The following SSRP1 variants were observed in gnomAD, a reference collection of about 807,000 sequenced individuals.
The protein encoded by SSRP1 is FACT complex subunit SSRP1.
SSRP1 carries 21 observed loss-of-function variants against 84.4 expected under a neutral mutation model. The observed-to-expected ratio is 0.25, with a 90% CI of 0.18 to 0.36. SSRP1 has a LOEUF of 0.36. Ranked by LOEUF, SSRP1 falls within the 10% of genes least tolerant of loss-of-function variation. The pLI is 1.00. For synonymous variants in SSRP1, 319 were observed against 318.3 expected, an observed-to-expected ratio of 1.00 and a Z score of -0.02; for missense variants, 519 against 900.8, an observed-to-expected ratio of 0.58 and a Z score of 5.43.
At position 57,335,248 on chromosome 11, in the gene SSRP1, C is replaced by G; in HGVS notation, c.-119-8G>C. ...GCTCAGCAGGTTGGGAATCTGAATTCAAGAGGAAGACAGATAAGCATGAAA... is the reference window on the plus strand; with the variant it reads ...GCTCAGCAGGTTGGGAATCTGAATTGAAGAGGAAGACAGATAAGCATGAAA... On this transcript the variant is annotated splice_polypyrimidine_tract_variant and splice_region_variant and intron_variant, in intron 1 of 16. Transcript: ENST00000278412. The surrounding 1 kb of genome is among the most constrained non-coding windows in gnomAD (Gnocchi z 4.6). 1.1e-6 allele frequency: 1 copy of G among 942,688 alleles called. No individual in the cohort carries two copies. The highest frequency in any genetic ancestry group is 1.7e-6 in the Non-Finnish European group (1 of 581,626). The allele number at this position is 942,688 out of a possible 1,614,324, so 58.4% of individuals were successfully genotyped here.
intron 14 of SSRP1, 51 bp from the exon 15 acceptor site, chr11:57,327,565 C>T: frequency 6.2e-7 from 1 of 1,610,152 alleles, no homozygotes; most frequent in Non-Finnish European, 8.5e-7. Flanking sequence ...CTCCCATCTC[C>T]CCTCTCCCCT....
intron 3 of SSRP1, among the ~76,000 whole-genome samples, chr11:57,333,836 G>A (rs1347946599): frequency 2.6e-5 from 4 of 152,176 alleles, no homozygotes; most frequent in Admixed American, 6.5e-5. Flanking sequence ...AGTTCAAAAA[G>A]GAAAACAAAA....
In SSRP1 at chr11:57,335,043, T is replaced by C. The variant is rs757343128; in HGVS notation, c.54+25A>G. On this transcript the variant is annotated intron_variant, in intron 2 of 16. Coordinates refer to ENST00000278412, the MANE Select transcript of SSRP1 (RefSeq NM_003146.3). This position sits in a 1 kb window ranked among gnomAD's most constrained non-coding sequence, Gnocchi z 4.6. ...TACCCTCCTTCCTTCTCTCTACTTGTATCACCTGTCCAAGCCATTCTCACC... is the reference window on the plus strand; with the variant it reads ...TACCCTCCTTCCTTCTCTCTACTTGCATCACCTGTCCAAGCCATTCTCACC... The C allele has an allele frequency of 1.2e-6, 2 of 1,613,600 alleles. No individual in the cohort carries two copies. Among genetic ancestry groups the C allele is most frequent in the East Asian group, 2.2e-5 (1 of 44,882 alleles).
At position 57,330,781 on chromosome 11, in the gene SSRP1, C is replaced by T. The variant is rs1856073291; in HGVS notation, c.1296+74G>A. The T allele has an allele frequency of 8.1e-6, 13 of 1,608,978 alleles. No homozygotes were observed. The highest frequency in any genetic ancestry group is 5.5e-5 in the South Asian group (5 of 90,708). The stretch of plus-strand genomic sequence containing the variant: ...AGAGAAGAAAGAGTGAAAAAGAAGC[C>T]GGAAAAAATCTCCACCCCTTTCTCC... On this transcript the variant is annotated intron_variant, in intron 10 of 16. Coordinates refer to ENST00000278412, the MANE Select transcript of SSRP1 (RefSeq NM_003146.3). The surrounding 1 kb of genome is among the most constrained non-coding windows in gnomAD (Gnocchi z 4.0).
intron 13 of SSRP1, 25 bp downstream of exon 13, chr11:57,328,272 A>G: frequency 6.2e-7 from 1 of 1,612,462 alleles, no homozygotes; most frequent in Non-Finnish European, 8.5e-7. Context: ...CACCACACAC[A>G]GGCCCTCCCA....
intron 12 of SSRP1, chr11:57,329,820 C>A: frequency 1.8e-6 from 1 of 547,636 alleles, no homozygotes; most frequent in Non-Finnish European, 3.3e-6. Context: ...CATTCCCATT[C>A]TCTCCTCATC....
At chr11:57,328,551 A>G in intron 12 of SSRP1, 125 bp from the exon 13 acceptor site, 1 of 1,342,210 alleles carries the variant, frequency 7.5e-7, no homozygotes, top group Non-Finnish European at 1.0e-6. Flanking sequence ...ACCAGAGGAC[A>G]GTATCCACCA....
chr11:57,335,105 T>G lies in SSRP1; in HGVS notation c.17A>C (p.Glu6Ala). The G allele has an allele frequency of 6.2e-7, 1 of 1,614,084 alleles. No individual in the cohort carries two copies. Among genetic ancestry groups the G allele is most frequent in the Non-Finnish European group, 8.5e-7 (1 of 1,179,986 alleles). The change falls in exon 2 of 17, where the codon GAG becomes GCG. Residue 6 changes from glutamate (E) to alanine (A), a missense_variant. By Grantham distance (107) the Glu-to-Ala change is moderately radical. Transcript: ENST00000278412. This position sits in a 1 kb window ranked among gnomAD's most constrained non-coding sequence, Gnocchi z 4.6. MAETL[E>A]FNDVYQEVKG... ...CACCTCCTGATAGACGTCGTTGAAC[T>G]CCAGTGTCTCTGCCATGTCGACCCC... is the stretch of plus-strand genomic sequence containing the variant.
At chr11:57,333,791 G>A (rs951693072) in intron 3 of SSRP1, among the ~76,000 whole-genome samples, 5 of 152,072 alleles carry the variant, frequency 3.3e-5, no homozygotes, top group Non-Finnish European at 7.4e-5. Flanking sequence ...TAATGAAAGT[G>A]GAAATTAAAA....
rs1590609581 is a variant in SSRP1, at chr11:57,332,390, T to C, written c.865A>G (p.Met289Val). Residue 289 changes from methionine to valine, a missense_variant, in exon 7 of 17, where the codon ATG (methionine) becomes GTG (valine). Physicochemically the swap from Met to Val is conservative, Grantham distance 21. Around this residue, in one of 7 missense-constraint regions of SSRP1, gnomAD observed 159 missense variants for 359.0 expected, o/e 0.44. Transcript: ENST00000278412. The surrounding 1 kb of genome is among the most constrained non-coding windows in gnomAD (Gnocchi z 5.5). ...KDEDISLTLN[M>V]NEEEVEKRFE... ...GTCCAGGGAGACACTCACTCGTTCA[T>C]GTTCAGAGTCAACGAAATGTCCTCG... is the stretch of plus-strand genomic sequence containing the variant. 1 of 1,614,126 alleles carries C rather than the reference T, an allele frequency of 6.2e-7. No homozygotes were observed. Among genetic ancestry groups the C allele is most frequent in the South Asian group, 1.1e-5 (1 of 91,076 alleles).
chr11:57,331,618 A>T (rs1331589035), intron 9 of SSRP1, 50 bp downstream of exon 9: 1 of 1,504,418 alleles, frequency 6.6e-7, no homozygotes, highest in Non-Finnish European at 9.2e-7. Context: ...TCCTAGACAA[A>T]GCTGGCTCGG....
Position 57,330,612 on chromosome 11 carries a change from A to T in SSRP1, c.1297-183T>A. ...CCAAGTACTTCCTGCCAACTGGGTT[A>T]GTCCAAGCCCCAAGCCCCTCCCTCT... On this transcript the variant is annotated intron_variant, in intron 10 of 16. Transcript: ENST00000278412. This position sits in a 1 kb window ranked among gnomAD's most constrained non-coding sequence, Gnocchi z 4.0. The T allele has an allele frequency of 7.0e-7, 1 of 1,432,194 alleles. No homozygotes were observed. Among genetic ancestry groups the T allele is most frequent in the South Asian group, 1.5e-5 (1 of 67,712 alleles). 88.7% of individuals were successfully genotyped at this position (1,432,194 alleles called of 1,614,324 possible).
chr11:57,333,003 A>C lies in SSRP1; in HGVS notation c.493T>G (p.Phe165Val). The C allele has an allele frequency of 6.2e-7, 1 of 1,614,040 alleles. No individual in the cohort carries two copies. The highest frequency in any genetic ancestry group is 8.5e-7 in the Non-Finnish European group (1 of 1,179,944). Residue 165 changes from phenylalanine (F) to valine (V), a missense_variant, in exon 5 of 17, where the codon TTC (phenylalanine) becomes GTC (valine). This residue lies in a region of SSRP1 where 159 missense variants were observed against 359.0 expected (regional missense o/e 0.44). Transcript: ENST00000278412. ...DAEVSLMEVR[F>V]YVPPTQEDGV... The stretch of plus-strand genomic sequence containing the variant: ...TCCTCCTGGGTGGGTGGGACGTAGA[A>C]GCGCACCTCCATGAGAGACACCTCT...
chr11:57,335,010 A>G lies in SSRP1; in HGVS notation c.54+58T>C. On this transcript the variant is annotated intron_variant, in intron 2 of 16. Transcript: ENST00000278412. The surrounding 1 kb of genome is among the most constrained non-coding windows in gnomAD (Gnocchi z 4.6). ...CCAAAGCAAGCTCTCATTAATGGAC[A>G]AAAACTCTACCCTCCTTCCTTCTCT... 1 of 1,600,662 alleles carries G rather than the reference A, an allele frequency of 6.2e-7. No individual in the cohort carries two copies. Among genetic ancestry groups the G allele is most frequent in the Non-Finnish European group, 8.6e-7 (1 of 1,168,160 alleles).
At chr11:57,329,958 A>G (rs1297400301) in intron 12 of SSRP1, 135 bp downstream of exon 12, 1 of 1,070,388 alleles carries the variant, frequency 9.3e-7, no homozygotes, top group Non-Finnish European at 1.4e-6. Context: ...ATTTTCGTAT[A>G]TCACCTCATT....
Position 57,335,241 on chromosome 11 carries a change from C to G in SSRP1, c.-119-1G>C. On this transcript the variant is annotated splice_acceptor_variant, in intron 1 of 16. Transcript: ENST00000278412. LOFTEE classifies it low-confidence loss of function (5UTR_SPLICE). The surrounding 1 kb of genome is among the most constrained non-coding windows in gnomAD (Gnocchi z 4.6). The stretch of plus-strand genomic sequence containing the variant: ...TGCGGATGCTCAGCAGGTTGGGAAT[C>G]TGAATTCAAGAGGAAGACAGATAAG... The G allele has an allele frequency of 9.8e-7, 1 of 1,021,916 alleles. No individual in the cohort carries two copies. Among genetic ancestry groups the G allele is most frequent in the Non-Finnish European group, 1.5e-6 (1 of 650,942 alleles). 63.3% of individuals were successfully genotyped at this position (1,021,916 alleles called of 1,614,324 possible).
At position 57,330,028 on chromosome 11, in the gene SSRP1, A is replaced by T; in HGVS notation, c.1481+65T>A. 1 of 1,598,520 alleles carries T rather than the reference A, an allele frequency of 6.3e-7. No individual in the cohort carries two copies. Among genetic ancestry groups the T allele is most frequent in the Non-Finnish European group, 8.6e-7 (1 of 1,165,882 alleles). ...TGCTGGGACCTGAGAAATGTCCAGA[A>T]ATCTTCTGGTCCCTTAAGCTTATGG... On this transcript the variant is annotated intron_variant, in intron 12 of 16. Coordinates refer to ENST00000278412, the MANE Select transcript of SSRP1 (RefSeq NM_003146.3). This position sits in a 1 kb window ranked among gnomAD's most constrained non-coding sequence, Gnocchi z 4.0.
intron 15 of SSRP1, 165 bp from the exon 16 acceptor site, chr11:57,327,054 A>C: frequency 7.7e-7 from 1 of 1,292,104 alleles, no homozygotes; most frequent in Non-Finnish European, 1.0e-6. Flanking sequence ...GGAGAGTATC[A>C]TGAGTACACC....
chr11:57,326,660 C>T (rs760047478), intron 16 of SSRP1, 43 bp downstream of exon 16: 3 of 1,601,376 alleles, frequency 1.9e-6, no homozygotes, highest in East Asian at 4.5e-5. Flanking sequence ...ACACACATGC[C>T]CCTCACCCTG....
Sources: gnomAD v4.1 joint callset for allele counts (sites outside exome capture counted in the v4.1 genomes callset) on GRCh38, gnomAD v4.1.1 for gene constraint, gnomAD v4.1.1 regional missense constraint, Gnocchi (gnomAD v3.1) non-coding constraint, MANE v1.5 for transcripts, NCBI Gene and HGNC (gene_info 2026-07-23, HGNC 2026-07-21) for gene names.